Variants in AFAP1 observed in about 807,000 individuals in gnomAD.
The protein encoded by AFAP1 is actin filament associated protein 1.
AFAP1 carries 75 observed loss-of-function variants against 93.9 expected under a neutral mutation model. That is an observed-to-expected ratio of 0.80 (90% CI 0.66 to 0.97). The LOEUF (loss-of-function observed/expected upper bound fraction) is 0.97. Ranked by LOEUF, AFAP1 falls within the 50% of genes least tolerant of loss-of-function variation. The pLI, the probability that AFAP1 is intolerant of heterozygous loss-of-function variation, is 0.00. For missense variants in AFAP1, 1,201 were observed against 1,050.8 expected (o/e 1.14, Z -1.98); for synonymous variants, 517 against 430.7 (o/e 1.20, Z -2.48).
At chr4:7,865,023 G>A (rs1428364315) in intron 3 of AFAP1, among the ~76,000 whole-genome samples, 1 of 151,714 alleles carries the variant, frequency 6.6e-6, no homozygotes. Context: ...TTAGATGTGG[G>A]GACATCAACT....
chr4:7,801,914 C>CAAAAAAAAAAAAAAAAAA (rs531684652), intron 9 of AFAP1, among the ~76,000 whole-genome samples: 33 of 65,198 alleles, frequency 5.1e-4, no homozygotes, highest in East Asian at 2.8e-3. Context: ...GACCCTATCA[C>CAAAAAAAAAAAAAAAAAA]AAAAAAAAAA....
chr4:7,873,465 C>G (rs1270488593), intron 1 of AFAP1, among the ~76,000 whole-genome samples: 1 of 145,186 alleles, frequency 6.9e-6, no homozygotes, highest in Non-Finnish European at 1.5e-5. Context: ...TCTCCTGCCT[C>G]AGCCTCCTGA....
At chr4:7,863,350 C>T (rs1183043872) in intron 3 of AFAP1, among the ~76,000 whole-genome samples, 5 of 152,066 alleles carry the variant, frequency 3.3e-5, no homozygotes, top group South Asian at 4.2e-4. Context: ...ACCAGGGAAG[C>T]GGAGGCTGCA....
At chr4:7,921,078 T>TA (rs1720416838) in intron 1 of AFAP1, among the ~76,000 whole-genome samples, 1 of 151,504 alleles carries the variant, frequency 6.6e-6, no homozygotes, top group Non-Finnish European at 1.5e-5. Flanking sequence ...ATTAGAAGAC[T>TA]AAATTCAGGT....
rs761884513 is a variant in AFAP1, at chr4:7,819,113, G to A, written c.785C>T (p.Pro262Leu). Residue 262 changes from proline to leucine, a missense_variant, in exon 7 of 18, where the codon CCA becomes CTA. By Grantham distance (98) the Pro-to-Leu change is moderately conservative (BLOSUM62 -3). Transcript: ENST00000420658. ...SGPVDSECPP[P>L]PSSPVHKAEL... ...TGCCTTGTGCACCGGGGAGCTTGGTGGAGGAGGACACTCTGAATCCACGGG... is the reference window on the plus strand; with the variant it reads ...TGCCTTGTGCACCGGGGAGCTTGGTAGAGGAGGACACTCTGAATCCACGGG... 6.2e-6 allele frequency: 10 copies of A among 1,613,660 alleles called. No individual in the cohort carries two copies. The South Asian group carries it at 9.9e-5, about 16-fold the overall frequency.
At chr4:7,823,744 A>G (rs1721181487) in intron 6 of AFAP1, among the ~76,000 whole-genome samples, 1 of 152,172 alleles carries the variant, frequency 6.6e-6, no homozygotes, top group African/African-American at 2.4e-5. Context: ...CTCTCTAATC[A>G]TTAACTTCTC....
At chr4:7,829,586 C>T (rs529002493) in intron 6 of AFAP1, among the ~76,000 whole-genome samples, 17 of 152,282 alleles carry the variant, frequency 1.1e-4, no homozygotes, top group Admixed American at 8.5e-4. Context: ...AATACTGATA[C>T]AACTGTAGGC....
chr4:7,789,998 CCATT>C (rs1241006243), intron 11 of AFAP1, among the ~76,000 whole-genome samples: 2 of 152,186 alleles, frequency 1.3e-5, no homozygotes, highest in African/African-American at 2.4e-5. Flanking sequence ...GGGAGAATCT[CCATT>C]ATTATCTTAC....
At chr4:7,897,504 C>T (rs564893131) in intron 1 of AFAP1, among the ~76,000 whole-genome samples, 36 of 150,068 alleles carry the variant, frequency 2.4e-4, no homozygotes, top group African/African-American at 7.8e-4. Context: ...TTCTCCCCAG[C>T]GCTTGTTTTT....
At chr4:7,780,213 C>G (rs541666084) in intron 13 of AFAP1, among the ~76,000 whole-genome samples, 1 of 152,232 alleles carries the variant, frequency 6.6e-6, no homozygotes, top group South Asian at 2.1e-4. Context: ...CCCAACTACA[C>G]TTAGCTCAGG....
intron 3 of AFAP1, among the ~76,000 whole-genome samples, chr4:7,864,618 G>T (rs1260659353): frequency 1.3e-5 from 2 of 152,140 alleles, no homozygotes; most frequent in Non-Finnish European, 2.9e-5. Context: ...AAACATTCAG[G>T]GCAACAGGCT....
intron 1 of AFAP1, among the ~76,000 whole-genome samples, chr4:7,920,248 AT>A (rs1250799577): frequency 9.9e-5 from 15 of 152,214 alleles, no homozygotes; most frequent in African/African-American, 3.4e-4. Flanking sequence ...ACTAATTTAC[AT>A]TCCCACCAAC....
chr4:7,843,602 T>C (rs1713324966), intron 4 of AFAP1: 2 of 426,950 alleles, frequency 4.7e-6, no homozygotes, highest in South Asian at 2.5e-5. Flanking sequence ...CTAGACTGTT[T>C]CATATGGACG....
rs781520635 is a variant in AFAP1, at chr4:7,871,942, T to C, written c.127+10A>G. 3.7e-6 allele frequency: 6 copies of C among 1,613,002 alleles called. No homozygotes were observed. Among genetic ancestry groups the C allele is most frequent in the Non-Finnish European group, 3.4e-6 (4 of 1,179,042 alleles). ...TAAGAAGGAAAAGCAGGCGTCAGAA[T>C]GAGACTCACCTTTGGATGACTGTAT... On this transcript the variant is annotated intron_variant, in intron 2 of 17. Coordinates refer to ENST00000420658, the MANE Select transcript of AFAP1 (RefSeq NM_001134647.2).
At chr4:7,869,119 A>G (rs769142861) in intron 2 of AFAP1, among the ~76,000 whole-genome samples, 4 of 151,924 alleles carry the variant, frequency 2.6e-5, no homozygotes, top group Non-Finnish European at 5.9e-5. Flanking sequence ...GGGAAACGGA[A>G]AGAAAAGAGA....
intron 3 of AFAP1, among the ~76,000 whole-genome samples, chr4:7,856,197 A>C (rs1210934875): frequency 1.3e-5 from 2 of 152,190 alleles, no homozygotes; most frequent in Non-Finnish European, 2.9e-5. Context: ...ACAAAGTAGA[A>C]ATTATTCTCT....
intron 1 of AFAP1, among the ~76,000 whole-genome samples, chr4:7,906,547 G>T (rs13131154): frequency 0.12 from 18,093 of 152,192 alleles, 1,323 homozygotes; most frequent in Non-Finnish European, 0.17. Context: ...GACAGCTCAT[G>T]AACTCTGACA....
intron 6 of AFAP1, among the ~76,000 whole-genome samples, chr4:7,821,426 G>C (rs1017526457): frequency 1.3e-5 from 2 of 152,180 alleles, no homozygotes; most frequent in Non-Finnish European, 1.5e-5. Flanking sequence ...TGAGCCTGCA[G>C]GACAGGATTC....
chr4:7,783,382 T>C (rs1716964171), intron 12 of AFAP1, among the ~76,000 whole-genome samples: 1 of 152,170 alleles, frequency 6.6e-6, no homozygotes. Context: ...TTAAGTGATC[T>C]GCCCACCTCT....
Sources: gnomAD v4.1 joint callset for allele counts (sites outside exome capture counted in the v4.1 genomes callset) on GRCh38, gnomAD v4.1.1 for gene constraint, MANE v1.5 for transcripts, NCBI Gene and HGNC (gene_info 2026-07-23, HGNC 2026-07-21) for gene names.